Variants in NAV3 observed in about 807,000 individuals in gnomAD.
NAV3 encodes pore membrane and/or filament interacting like protein 1.
A neutral mutation model predicts 244.7 loss-of-function variants in NAV3; 87 were observed. The observed-to-expected ratio is 0.36, with a 90% confidence interval of 0.30 to 0.42. NAV3 has a LOEUF of 0.42. Ranked by LOEUF, NAV3 falls within the 20% of genes least tolerant of loss-of-function variation. The pLI, the probability that NAV3 is intolerant of heterozygous loss-of-function variation, is 1.00. For missense variants in NAV3, 2,663 were observed against 2,893.3 expected, an observed-to-expected ratio of 0.92 and a Z score of 1.83; for synonymous variants, 1,126 against 1,042.2, an observed-to-expected ratio of 1.08 and a Z score of -1.55.
chr12:78,019,611 A>G (rs890686455), intron 8 of NAV3, among the ~76,000 whole-genome samples: 1 of 152,134 alleles, frequency 6.6e-6, no homozygotes, highest in African/African-American at 2.4e-5. Context: ...TAAGACTTGG[A>G]GGGAAGGAAT....
rs148934389 is a variant in NAV3, at chr12:78,145,271, T to A, written c.4684-1098T>A. Among the ~76,000 whole-genome samples the A allele has an allele frequency of 1.2e-3, 189 of 152,310 alleles. 2 individuals carry two copies. Among genetic ancestry groups the A allele is most frequent in the African/African-American group, 4.1e-3 (172 of 41,564 alleles). ...TATTTAGCCACTATATTACTAAGTT[T>A]ACATATTTTTAAAGGTAGTGAAAAT... is the stretch of plus-strand genomic sequence containing the variant. On this transcript the variant is annotated intron_variant, in intron 20 of 39. Coordinates refer to ENST00000397909, the MANE Select transcript of NAV3 (RefSeq NM_001024383.2).
chr12:77,823,382 C>T (rs1322455836), intron 2 of NAV3, among the ~76,000 whole-genome samples: 1 of 152,140 alleles, frequency 6.6e-6, no homozygotes, highest in Non-Finnish European at 1.5e-5. Flanking sequence ...TTCTTCTAAT[C>T]TTTGACAGAG....
intron 8 of NAV3, among the ~76,000 whole-genome samples, chr12:78,017,604 C>A (rs573520520): frequency 4.6e-5 from 7 of 152,096 alleles, no homozygotes; most frequent in Non-Finnish European, 1.0e-4. Flanking sequence ...CATATTTTTT[C>A]TTTTTCCAGT....
Position 77,770,595 on chromosome 12 carries a change from T to C in NAV3, c.73-169724T>C, listed in dbSNP as rs113337682. Among the ~76,000 whole-genome samples the C allele has an allele frequency of 3.1e-3, 466 of 152,324 alleles. 1 individual carries two copies. The highest frequency in any genetic ancestry group is 4.9e-3 in the Non-Finnish European group (333 of 68,036). ...AAAATCAGCTCTGAATAGTTTATGATAGACTAGCAATTGCACACCTACACC... is the reference window on the plus strand; with the variant it reads ...AAAATCAGCTCTGAATAGTTTATGACAGACTAGCAATTGCACACCTACACC... On this transcript the variant is annotated intron_variant, in intron 2 of 8. Transcript: ENST00000550042.
chr12:77,693,449 A>G (rs924762056), intron 2 of NAV3, among the ~76,000 whole-genome samples: 1 of 151,980 alleles, frequency 6.6e-6, no homozygotes, highest in African/African-American at 2.4e-5. Context: ...CCTATCTAGT[A>G]TCAGTTGAAT....
chr12:77,885,716 C>A (rs911218361), intron 1 of NAV3, among the ~76,000 whole-genome samples: 2 of 152,100 alleles, frequency 1.3e-5, no homozygotes, highest in Non-Finnish European at 2.9e-5. Context: ...CACTTCAATA[C>A]ATTAGAGTGT....
At chr12:78,102,641 C>A (rs754538275) in intron 12 of NAV3, among the ~76,000 whole-genome samples, 48 of 152,220 alleles carry the variant, frequency 3.2e-4, no homozygotes, top group Non-Finnish European at 5.1e-4. Context: ...TTCATGAGGG[C>A]CGTGCCCCTG....
chr12:77,573,261 G>A (rs1253789808), intron 2 of NAV3, among the ~76,000 whole-genome samples: 1 of 152,120 alleles, frequency 6.6e-6, no homozygotes, highest in Non-Finnish European at 1.5e-5. Flanking sequence ...AGTGGTGGAG[G>A]TAAGTTTAGA....
intron 11 of NAV3, 66 bp downstream of exon 11, chr12:78,051,213 C>T (rs182436045): frequency 1.3e-6 from 2 of 1,510,050 alleles, no homozygotes; most frequent in Non-Finnish European, 1.8e-6. Context: ...AATGCATTCA[C>T]TATAAACAAA....
chr12:78,045,915 T>C (rs556053904), intron 9 of NAV3, among the ~76,000 whole-genome samples: 200 of 152,304 alleles, frequency 1.3e-3, no homozygotes, highest in South Asian at 3.9e-3. Flanking sequence ...TCAGAACTTG[T>C]TATTGGTCTA....
chr12:77,721,410 T>C (rs1876626373), intron 2 of NAV3, among the ~76,000 whole-genome samples: 1 of 152,134 alleles, frequency 6.6e-6, no homozygotes, highest in South Asian at 2.1e-4. Context: ...TCTGGGTAAT[T>C]AACCTTTTTG....
At position 77,946,102 on chromosome 12, in the gene NAV3, G is replaced by A. The variant is rs200907434; in HGVS notation, c.414+4969G>A. Among the ~76,000 whole-genome samples, 36 of 141,968 alleles carry A rather than the reference G, an allele frequency of 2.5e-4. No individual in the cohort carries two copies. The East Asian group carries it at 4.7e-3, about 19-fold the overall frequency. 93.1% of individuals were successfully genotyped at this position (141,968 alleles called of 152,430 possible). On this transcript the variant is annotated intron_variant, in intron 3 of 39. Transcript: ENST00000397909. Reference sequence around the variant, plus strand: ...AGAAAAATTCACCATATATATATATGTATATATATATATATATATTGTGTA... The same window carrying A: ...AGAAAAATTCACCATATATATATATATATATATATATATATATATTGTGTA...
chr12:77,636,061 C>T (rs952679073), intron 2 of NAV3, among the ~76,000 whole-genome samples: 8 of 152,116 alleles, frequency 5.3e-5, no homozygotes, highest in Non-Finnish European at 1.2e-4. Context: ...GACATTTATG[C>T]GACCAGCAAA....
At chr12:77,751,987 A>G (rs1868879876) in intron 2 of NAV3, among the ~76,000 whole-genome samples, 1 of 152,212 alleles carries the variant, frequency 6.6e-6, no homozygotes, top group Non-Finnish European at 1.5e-5. Flanking sequence ...TTCCAAGAAT[A>G]TAAAATTGGT....
chr12:78,017,767 T>G (rs551998047), intron 8 of NAV3, among the ~76,000 whole-genome samples: 2 of 152,140 alleles, frequency 1.3e-5, no homozygotes, highest in Non-Finnish European at 2.9e-5. Context: ...CCAAATATTT[T>G]TATTTAACTG....
intron 1 of NAV3, among the ~76,000 whole-genome samples, chr12:77,867,586 A>AT (rs1024397002): frequency 2.0e-5 from 3 of 151,822 alleles, no homozygotes; most frequent in Admixed American, 6.6e-5. Flanking sequence ...CGCCCGGCTA[A>AT]TTTTTTTGCA....
intron 2 of NAV3, among the ~76,000 whole-genome samples, chr12:77,774,092 T>A (rs992007640): frequency 3.9e-5 from 6 of 152,216 alleles, no homozygotes; most frequent in Non-Finnish European, 8.8e-5. Context: ...ATAATATGAA[T>A]GAAATGGTTT....
intron 8 of NAV3, among the ~76,000 whole-genome samples, chr12:78,014,934 G>A (rs1021290227): frequency 6.6e-6 from 1 of 152,030 alleles, no homozygotes; most frequent in Non-Finnish European, 1.5e-5. Flanking sequence ...TGCTAGGTTT[G>A]ATATGTATCT....
intron 7 of NAV3, among the ~76,000 whole-genome samples, chr12:78,002,177 A>T (rs1212329908): frequency 6.6e-6 from 1 of 152,234 alleles, no homozygotes; most frequent in East Asian, 1.9e-4. Flanking sequence ...TTAGGAATTT[A>T]TCCATAGCTT....
Sources: allele counts gnomAD v4.1 joint callset (sites outside exome capture counted in the v4.1 genomes callset), GRCh38; gene constraint gnomAD v4.1.1; transcripts MANE v1.5; gene names NCBI Gene and HGNC (gene_info 2026-07-23, HGNC 2026-07-21).